The following LHCGR variants were observed in gnomAD, a reference collection of about 807,000 sequenced individuals.
The protein encoded by LHCGR is luteinizing hormone/choriogonadotropin receptor.
A neutral mutation model predicts 60.7 loss-of-function variants in LHCGR; 55 were observed. The ratio of observed to expected loss-of-function variants is 0.91; its 90% confidence interval spans 0.73 to 1.13. The LOEUF (loss-of-function observed/expected upper bound fraction) is 1.13. Ranked by LOEUF, LHCGR falls within the 50% of genes most tolerant of loss-of-function variation. LHCGR has a pLI of 0.00. For synonymous variants in LHCGR, 337 were observed against 316.5 expected (o/e 1.06, Z -0.69); for missense variants, 862 against 836.0 (o/e 1.03, Z -0.38).
chr2:48,733,115 A>AT (rs1172524371), intron 1 of LHCGR: 4 of 373,496 alleles, frequency 1.1e-5, no homozygotes, highest in African/African-American at 8.5e-5. Flanking sequence ...ATTCCACTGT[A>AT]CCCCTTGCAG....
chr2:48,701,821 G>A (rs780149287), intron 8 of LHCGR, among the ~76,000 whole-genome samples: 3 of 152,142 alleles, frequency 2.0e-5, no homozygotes, highest in Admixed American at 6.5e-5. Context: ...GTGAATAAAC[G>A]GATGAATAAA....
At chr2:48,748,050 A>C (rs539894669) in intron 1 of LHCGR, among the ~76,000 whole-genome samples, 1 of 152,196 alleles carries the variant, frequency 6.6e-6, no homozygotes, top group Admixed American at 6.5e-5. Flanking sequence ...GAGGAAGTTC[A>C]AATGACACTT....
chr2:48,689,704 G>T (rs1680113662), intron 10 of LHCGR, among the ~76,000 whole-genome samples: 1 of 151,910 alleles, frequency 6.6e-6, no homozygotes, highest in Non-Finnish European at 1.5e-5. Flanking sequence ...CTGAGTTTAG[G>T]GTCTTTTCCT....
At position 48,694,226 on chromosome 2, in the gene LHCGR, T is replaced by G; in HGVS notation, c.945A>C (p.Thr315=). The G allele has an allele frequency of 6.5e-7, 1 of 1,534,782 alleles. No homozygotes were observed. Among genetic ancestry groups the G allele is most frequent in the Non-Finnish European group, 9.0e-7 (1 of 1,111,594 alleles). Reference sequence around the variant, plus strand: ...TTTCCTTGCATGCAAATACTTACAGTGTTTTGTTATTCACTTTCCTTACTG... The same window carrying G: ...TTTCCTTGCATGCAAATACTTACAGGGTTTTGTTATTCACTTTCCTTACTG... ...ESTVRKVNNK[T]LYSSMLAESE... Residue 315 remains threonine (T), a splice_region_variant and synonymous_variant, in exon 10 of 11, where the codon ACA becomes ACC. Transcript: ENST00000294954.
At chr2:48,731,561 G>A (rs1014133492) in intron 1 of LHCGR, among the ~76,000 whole-genome samples, 1 of 152,162 alleles carries the variant, frequency 6.6e-6, no homozygotes, top group Non-Finnish European at 1.5e-5. Context: ...AATCTTCGCT[G>A]TCCCACTACT....
chr2:48,732,888 C>T (rs770439096), intron 1 of LHCGR: 20 of 534,328 alleles, frequency 3.7e-5, no homozygotes, highest in African/African-American at 1.3e-4. Context: ...ATTCTATTCC[C>T]GAAGGCATTC....
At chr2:48,708,481 A>G (rs781191928) in intron 8 of LHCGR, among the ~76,000 whole-genome samples, 1 of 152,168 alleles carries the variant, frequency 6.6e-6, no homozygotes, top group African/African-American at 2.4e-5. Context: ...AAATGAGTTT[A>G]TTAGGGTGGG....
intron 8 of LHCGR, among the ~76,000 whole-genome samples, chr2:48,702,357 G>A (rs6714821): frequency 0.13 from 20,132 of 151,298 alleles, 1,605 homozygotes; most frequent in South Asian, 0.24. Flanking sequence ...TTGGTTTGCT[G>A]CACCCATCAA....
rs534949601 is a variant in LHCGR at position 48,746,124 on chromosome 2, A to G, written c.161+9387T>C. On this transcript the variant is annotated intron_variant, in intron 1 of 10. Coordinates refer to ENST00000294954, the MANE Select transcript of LHCGR (RefSeq NM_000233.4). ...ATATGAAGACTCAATAAGTATTTTT[A>G]TTAATAATTCACAGCTGCTTACTGT... 3.9e-5 allele frequency among the ~76,000 whole-genome samples: 6 copies of G among 152,350 alleles called. No individual in the cohort carries two copies. The South Asian group carries it at 1.0e-3, about 26-fold the overall frequency.
intron 10 of LHCGR, among the ~76,000 whole-genome samples, chr2:48,692,636 A>G (rs1234591872): frequency 6.6e-6 from 1 of 152,202 alleles, no homozygotes; most frequent in African/African-American, 2.4e-5. Context: ...GGAGAGCTGT[A>G]GCACCGCTGC....
At chr2:48,700,168 G>GT (rs1667337295) in intron 8 of LHCGR, among the ~76,000 whole-genome samples, 1 of 152,134 alleles carries the variant, frequency 6.6e-6, no homozygotes, top group Non-Finnish European at 1.5e-5. Flanking sequence ...GCTTTATAGG[G>GT]TTTTTATCTC....
At position 48,724,723 on chromosome 2, in the gene LHCGR, C is replaced by T. The variant is rs74844124; in HGVS notation, c.383+953G>A. On this transcript the variant is annotated intron_variant, in intron 4 of 10. Coordinates refer to ENST00000294954, the MANE Select transcript of LHCGR (RefSeq NM_000233.4). ...GTTTTTTCAAAGTAGTTGATGCTACCGTATGCTTATGTGCCCTATAGACAC... is the reference window on the plus strand; with the variant it reads ...GTTTTTTCAAAGTAGTTGATGCTACTGTATGCTTATGTGCCCTATAGACAC... Among the ~76,000 whole-genome samples the T allele has an allele frequency of 6.6e-4, 100 of 152,168 alleles. No individual in the cohort carries two copies. In the East Asian group the frequency reaches 0.017, roughly 26 times the overall value.
rs562643415 is a variant in LHCGR at position 48,737,196 on chromosome 2, T to C, written c.162-5898A>G. On this transcript the variant is annotated intron_variant, in intron 1 of 10. Transcript: ENST00000294954. ...TTATTCACTACCTTCTAATTGTTGT[T>C]AAAAATGCCAACTATATTATTGATT... Among the ~76,000 whole-genome samples the C allele has an allele frequency of 1.4e-4, 21 of 152,342 alleles. 1 individual carries two copies. In the South Asian group the frequency reaches 4.1e-3, roughly 30 times the overall value.
rs1679954904 is a variant in LHCGR at position 48,687,587 on chromosome 2, A to C, written c.*110T>G. The C allele has an allele frequency of 1.1e-6, 1 of 925,192 alleles. No individual in the cohort carries two copies. The highest frequency in any genetic ancestry group is 1.6e-5 in the African/African-American group (1 of 60,680). 57.3% of individuals were successfully genotyped at this position (925,192 alleles called of 1,614,324 possible). ...TAGAGGTCTCTTGCCTAATGTACCT[A>C]AAAATAAATAATTTCCTAAATCCAA... is the stretch of plus-strand genomic sequence containing the variant. On this transcript the variant is annotated 3_prime_UTR_variant, in exon 11 of 11. Coordinates refer to ENST00000294954, the MANE Select transcript of LHCGR (RefSeq NM_000233.4).
rs1032382818 is a variant in LHCGR at position 48,714,036 on chromosome 2, T to C, written c.555A>G (p.Gly185=). The change falls in exon 7 of 11, where the codon GGA becomes GGG. Residue 185 remains glycine (G), a synonymous_variant. Coordinates refer to ENST00000294954, the MANE Select transcript of LHCGR (RefSeq NM_000233.4). ...ATGCATGACTTTGTACTTCTTCAAA[T>C]CCATTTCCATATAGTTTGCTGAAGG... ...ESVTLKLYGN[G]FEEVQSHAFN... 6.2e-7 allele frequency: 1 copy of C among 1,612,842 alleles called. No individual in the cohort carries two copies.
chr2:48,740,526 C>G (rs1349762807), intron 1 of LHCGR, among the ~76,000 whole-genome samples: 1 of 152,134 alleles, frequency 6.6e-6, no homozygotes, highest in Non-Finnish European at 1.5e-5. Context: ...TCAAGTGGGT[C>G]CCTGACCCCT....
chr2:48,708,704 T>C, intron 8 of LHCGR: 3 of 589,086 alleles, frequency 5.1e-6, no homozygotes, highest in Admixed American at 2.9e-5. Flanking sequence ...CAACCCCTGC[T>C]GACACCTTGA....
chr2:48,753,133 G>A (rs1405102856), intron 1 of LHCGR, among the ~76,000 whole-genome samples: 1 of 152,118 alleles, frequency 6.6e-6, no homozygotes, highest in African/African-American at 2.4e-5. Flanking sequence ...TTGTTAATCT[G>A]TAGCCTGCTG....
chr2:48,697,738 C>T (rs560305436), intron 9 of LHCGR, among the ~76,000 whole-genome samples: 3 of 152,186 alleles, frequency 2.0e-5, no homozygotes, highest in East Asian at 3.9e-4. Context: ...AATAATAACC[C>T]TTTAGGGCAG....
Sources: gnomAD v4.1 joint callset for allele counts (sites outside exome capture counted in the v4.1 genomes callset) on GRCh38, gnomAD v4.1.1 for gene constraint, MANE v1.5 for transcripts, NCBI Gene and HGNC (gene_info 2026-07-23, HGNC 2026-07-21) for gene names.